AKAP7: variants seen among roughly 807,000 people sequenced by gnomAD.
The protein encoded by AKAP7 is A kinase (PRKA) anchor protein 7.
Under a neutral mutation model 39.5 loss-of-function variants are expected in AKAP7, and 39 were observed. That is an observed-to-expected ratio of 0.99 (90% CI 0.76 to 1.29). The LOEUF (loss-of-function observed/expected upper bound fraction) is 1.29. Among genes scored for constraint, AKAP7 ranks in the 50% most tolerant of loss-of-function variants. AKAP7 has a pLI of 0.00. For synonymous variants in AKAP7, 140 were observed against 139.1 expected (o/e 1.01, Z -0.05); for missense variants, 414 against 407.7 (o/e 1.02, Z -0.13).
intron 6 of AKAP7, among the ~76,000 whole-genome samples, chr6:131,206,744 G>T (rs1411403318): frequency 6.6e-6 from 1 of 151,754 alleles, no homozygotes; most frequent in Non-Finnish European, 1.5e-5. Context: ...TATCTATCTA[G>T]CTACCTAGCT....
intron 5 of AKAP7, among the ~76,000 whole-genome samples, chr6:131,177,450 A>G (rs1180997166): frequency 6.6e-6 from 1 of 152,164 alleles, no homozygotes; most frequent in African/African-American, 2.4e-5. Flanking sequence ...TAGGAAGCCT[A>G]ATTCACTTTT....
intron 5 of AKAP7, among the ~76,000 whole-genome samples, chr6:131,186,858 C>G (rs941636646): frequency 7.2e-5 from 11 of 152,194 alleles, no homozygotes; most frequent in Non-Finnish European, 1.6e-4. Context: ...CTCTTAATAC[C>G]TTTACCTTGG....
Position 131,207,491 on chromosome 6 carries a change from A to ATTTTTTTTTTTTTTTTTTT in AKAP7, c.702+7926_702+7944dup, listed in dbSNP as rs531582478. Among the ~76,000 whole-genome samples, 390 of 78,776 alleles carry ATTTTTTTTTTTTTTTTTTT rather than the reference A, an allele frequency of 5.0e-3. 53 individuals carry two copies. Among genetic ancestry groups the ATTTTTTTTTTTTTTTTTTT allele is most frequent in the Non-Finnish European group, 7.7e-3 (302 of 39,014 alleles). 51.7% of individuals were successfully genotyped at this position (78,776 alleles called of 152,430 possible). The stretch of plus-strand genomic sequence containing the variant: ...TGCACACCATGCCTGGCTAATTAAA[A>ATTTTTTTTTTTTTTTTTTT]TTTTTTTTTTTTTTTTTTTTTTTTT... On this transcript the variant is annotated intron_variant, in intron 6 of 7. Coordinates refer to ENST00000431975, the MANE Select transcript of AKAP7 (RefSeq NM_016377.4).
chr6:131,141,899 C>CTT lies in AKAP7; in HGVS notation c.20-3368_20-3367dup, dbSNP rs773131426. On this transcript the variant is annotated intron_variant, in intron 1 of 7. Transcript: ENST00000431975. ...ATAGAAGAAATTTCTTTCTTTCTTT[C>CTT]TTTTTTTTTTTTTTTTTTTGCAACA... Among the ~76,000 whole-genome samples the CTT allele has an allele frequency of 1.1e-3, 132 of 116,196 alleles. 1 individual carries two copies. Among genetic ancestry groups the CTT allele is most frequent in the African/African-American group, 3.7e-3 (120 of 32,390 alleles). The allele number at this position is 116,196 out of a possible 152,430, so 76.2% of individuals were successfully genotyped here.
the AKAP7 span, among the ~76,000 whole-genome samples, chr6:131,125,699 C>T: frequency 1.3e-5 from 2 of 152,142 alleles, no homozygotes; most frequent in Admixed American, 6.5e-5. Flanking sequence ...TTTGTTCAAA[C>T]CTGAATTCTG....
rs538746189 is a variant in AKAP7 at position 131,269,095 on chromosome 6, T to C, written c.851-12435T>C. Among the ~76,000 whole-genome samples, 9 of 152,336 alleles carry C rather than the reference T, an allele frequency of 5.9e-5. No individual in the cohort carries two copies. The South Asian group carries it at 1.0e-3, about 18-fold the overall frequency. On this transcript the variant is annotated intron_variant, in intron 7 of 7. Transcript: ENST00000431975. ...TTTTGGAAACAGAGTCTCACTCACT[T>C]TCTTTCGCCCAGGCTGGAGTATCGT...
chr6:131,225,788 C>A (rs1471849039), intron 7 of AKAP7, among the ~76,000 whole-genome samples: 1 of 151,868 alleles, frequency 6.6e-6, no homozygotes, highest in Admixed American at 6.6e-5. Context: ...AAATTTTATC[C>A]ATTAATTGGT....
intron 2 of AKAP7, among the ~76,000 whole-genome samples, chr6:131,152,549 C>T (rs1033476639): frequency 2.6e-5 from 4 of 152,088 alleles, no homozygotes; most frequent in Admixed American, 6.6e-5. Flanking sequence ...ATATTGGGGC[C>T]GGGCGTGGTG....
intron 7 of AKAP7, among the ~76,000 whole-genome samples, chr6:131,248,762 T>C (rs919756100): frequency 6.6e-6 from 1 of 152,228 alleles, no homozygotes; most frequent in African/African-American, 2.4e-5. Context: ...TTATTTGCTT[T>C]CTGGTCTTAA....
Position 131,186,370 on chromosome 6 carries a change from G to A in AKAP7, c.590-13091G>A, listed in dbSNP as rs12664060. On this transcript the variant is annotated intron_variant, in intron 5 of 7. Coordinates refer to ENST00000431975, the MANE Select transcript of AKAP7 (RefSeq NM_016377.4). ...ATGCTGGCATTATGCTTCCTGTACA[G>A]CCTGCAGAACTGTGAGCCAATTAAA... is the stretch of plus-strand genomic sequence containing the variant. Among the ~76,000 whole-genome samples the A allele has an allele frequency of 0.014, 2,174 of 152,190 alleles. 147 individuals carry two copies. The East Asian group carries it at 0.18, about 12-fold the overall frequency.
chr6:131,274,634 A>C (rs910032266), intron 7 of AKAP7, among the ~76,000 whole-genome samples: 2 of 152,072 alleles, frequency 1.3e-5, no homozygotes, highest in African/African-American at 4.8e-5. Context: ...CACTGCACCC[A>C]GCTCTCTGCC....
intron 7 of AKAP7, among the ~76,000 whole-genome samples, chr6:131,278,177 A>G (rs1418308670): frequency 6.6e-6 from 1 of 152,208 alleles, no homozygotes; most frequent in African/African-American, 2.4e-5. Context: ...CTATGTTAGC[A>G]GAGGGAGAGA....
chr6:131,126,989 G>A, the AKAP7 span, among the ~76,000 whole-genome samples: 1 of 152,078 alleles, frequency 6.6e-6, no homozygotes, highest in African/African-American at 2.4e-5. Context: ...AAGAGACAGG[G>A]CAGGTAGATT....
chr6:131,236,886 A>G (rs906131382), intron 7 of AKAP7, among the ~76,000 whole-genome samples: 5 of 152,152 alleles, frequency 3.3e-5, no homozygotes, highest in Non-Finnish European at 7.4e-5. Context: ...TCCTAATTGA[A>G]TACCCTTTAT....
At chr6:131,209,838 G>C (rs1808485579) in intron 6 of AKAP7, among the ~76,000 whole-genome samples, 1 of 152,082 alleles carries the variant, frequency 6.6e-6, no homozygotes, top group Non-Finnish European at 1.5e-5. Context: ...GTCCCACAGT[G>C]GATTGATTAT....
chr6:131,234,906 A>G (rs1265100002), intron 7 of AKAP7, among the ~76,000 whole-genome samples: 1 of 150,952 alleles, frequency 6.6e-6, no homozygotes, highest in Non-Finnish European at 1.5e-5. Flanking sequence ...TTTTATTATT[A>G]TTTCTTTTTT....
At chr6:131,267,493 T>C (rs923123203) in intron 7 of AKAP7, among the ~76,000 whole-genome samples, 1 of 152,202 alleles carries the variant, frequency 6.6e-6, no homozygotes, top group African/African-American at 2.4e-5. Context: ...AATTTGATCA[T>C]AGTAGGTGCT....
chr6:131,251,549 G>A (rs973314735), intron 7 of AKAP7, among the ~76,000 whole-genome samples: 3 of 143,550 alleles, frequency 2.1e-5, no homozygotes, highest in Non-Finnish European at 4.6e-5. Context: ...TGTTCTTCAG[G>A]AAACTAGCCA....
intron 7 of AKAP7, among the ~76,000 whole-genome samples, chr6:131,260,678 A>C (rs1167755339): frequency 1.3e-5 from 2 of 151,930 alleles, no homozygotes; most frequent in African/African-American, 2.4e-5. Context: ...AATTTGTTTA[A>C]GTTCTTTGTA....
Sources: gnomAD v4.1 joint callset for allele counts (sites outside exome capture counted in the v4.1 genomes callset) on GRCh38, gnomAD v4.1.1 for gene constraint, MANE v1.5 for transcripts, NCBI Gene and HGNC (gene_info 2026-07-23, HGNC 2026-07-21) for gene names.